The following TOP1MT variants were observed in gnomAD, a reference collection of about 807,000 sequenced individuals.
TOP1MT encodes DNA topoisomerase I mitochondrial.
In TOP1MT, 80 loss-of-function variants were observed where a neutral mutation model predicts 73.9. The ratio of observed to expected loss-of-function variants is 1.08; its 90% CI spans 0.90 to 1.30. The LOEUF (loss-of-function observed/expected upper bound fraction) is 1.30. Among genes scored for constraint, TOP1MT ranks in the 50% most tolerant of loss-of-function variants. The pLI is 0.00. For missense variants in TOP1MT, 815 were observed against 808.0 expected, an observed-to-expected ratio of 1.01 and a Z score of -0.10; for synonymous variants, 338 against 326.4, an observed-to-expected ratio of 1.04 and a Z score of -0.38.
intron 1 of TOP1MT, chr8:143,355,368 C>T (rs1417256927): frequency 6.6e-6 from 1 of 152,188 alleles, no homozygotes; most frequent in Non-Finnish European, 1.5e-5. Context: ...TGCCATCAAG[C>T]CACGGAGGTA....
chr8:143,321,051 T>C (rs1160647019), intron 8 of TOP1MT, 150 bp downstream of exon 8: 13 of 794,672 alleles, frequency 1.6e-5, no homozygotes, highest in East Asian at 2.7e-5. Flanking sequence ...CCTTCACCTT[T>C]ACCCCGATCA....
rs540913430 is a variant in TOP1MT, at chr8:143,321,464, C to CCA, written c.961-80_961-79dup. The CCA allele has an allele frequency of 3.7e-4, 371 of 997,284 alleles. 5 individuals carry two copies. The highest frequency in any genetic ancestry group is 3.7e-3 in the African/African-American group (207 of 55,808). 61.8% of individuals were successfully genotyped at this position (997,284 alleles called of 1,614,324 possible). Reference sequence around the variant, plus strand: ...CACACGCACGCCACACACACGCACGCCACACACGCACGCCACACGCACGCC... The same window carrying CCA: ...CACACGCACGCCACACACACGCACGCCACACACACGCACGCCACACGCACGCC... On this transcript the variant is annotated intron_variant, in intron 7 of 13. Coordinates refer to ENST00000329245, the MANE Select transcript of TOP1MT (RefSeq NM_052963.3).
chr8:143,336,439 A>C (rs148715068), upstream of TOP1MT, among the ~76,000 whole-genome samples: 182 of 152,310 alleles, frequency 1.2e-3, 1 homozygote, highest in East Asian at 0.029. Flanking sequence ...AAAGAAACTT[A>C]ACCTGAAAAG....
chr8:143,311,575 G>A (rs1485111044), intron 12 of TOP1MT, among the ~76,000 whole-genome samples: 8 of 152,006 alleles, frequency 5.3e-5, no homozygotes, highest in Non-Finnish European at 8.8e-5. Context: ...GTGAAACTCC[G>A]TCTCTACTAA....
intron 8 of TOP1MT, 30 bp downstream of exon 8, chr8:143,321,171 A>AGCGGGGGCAGCTGGC (rs754991487): frequency 1.9e-6 from 3 of 1,540,824 alleles, no homozygotes; most frequent in Non-Finnish European, 2.6e-6. Context: ...CGTGTCACAT[A>AGCGGGGGCAGCTGGC]GCGGGGGCAG....
intron 2 of TOP1MT, among the ~76,000 whole-genome samples, chr8:143,342,445 A>G (rs1393582296): frequency 1.4e-5 from 2 of 138,968 alleles, no homozygotes; most frequent in Non-Finnish European, 3.0e-5. Context: ...TATTATTATT[A>G]TTAGAGACAG....
At chr8:143,333,492 C>T (rs1000878904) in intron 1 of TOP1MT, among the ~76,000 whole-genome samples, 2 of 152,210 alleles carry the variant, frequency 1.3e-5, no homozygotes, top group African/African-American at 4.8e-5. Flanking sequence ...GACAGTGACC[C>T]TGACTGCCAA....
At chr8:143,331,135 G>T (rs1172687301) in intron 2 of TOP1MT, 89 bp downstream of exon 2, 14 of 1,007,778 alleles carry the variant, frequency 1.4e-5, no homozygotes, top group Non-Finnish European at 1.9e-5. Context: ...CCTGCAGGGG[G>T]GCTGAGGGAG....
At chr8:143,359,373 C>T, upstream of TOP1MT, 1 of 985,432 alleles carries the variant, frequency 1.0e-6, no homozygotes, top group Non-Finnish European at 1.2e-6. Context: ...GGAAGAAAGG[C>T]CCTGGGGCAA....
At chr8:143,340,992 G>A (rs1482475433) in intron 2 of TOP1MT, among the ~76,000 whole-genome samples, 1 of 152,048 alleles carries the variant, frequency 6.6e-6, no homozygotes, top group African/African-American at 2.4e-5. Context: ...ACCTGCTCCT[G>A]GCCACGCTTC....
At chr8:143,324,235 T>TCTCC in intron 6 of TOP1MT, 93 bp from the exon 7 acceptor site, 1 of 1,540,924 alleles carries the variant, frequency 6.5e-7, no homozygotes, top group Non-Finnish European at 8.9e-7. Flanking sequence ...ACCTCGTGCT[T>TCTCC]CTCCACTCAG....
chr8:143,311,366 T>C (rs989764363), intron 12 of TOP1MT, among the ~76,000 whole-genome samples: 57 of 152,196 alleles, frequency 3.7e-4, no homozygotes, highest in Non-Finnish European at 1.3e-4. Context: ...TTTGTTCCAA[T>C]TGACATTTCC....
intron 2 of TOP1MT, 131 bp from the exon 3 acceptor site, chr8:143,329,602 G>A: frequency 8.3e-6 from 9 of 1,089,534 alleles, no homozygotes; most frequent in Non-Finnish European, 9.0e-6. Flanking sequence ...GCCTTCTTCT[G>A]TAAGTTCAGA....
chr8:143,346,670 T>C (rs1380335466), upstream of TOP1MT, among the ~76,000 whole-genome samples: 1 of 152,176 alleles, frequency 6.6e-6, no homozygotes. Flanking sequence ...TTTCTGCTGC[T>C]GTAACAAATA....
chr8:143,311,474 G>T (rs1050260709), intron 12 of TOP1MT, among the ~76,000 whole-genome samples: 6 of 152,206 alleles, frequency 3.9e-5, no homozygotes, highest in Non-Finnish European at 8.8e-5. Flanking sequence ...CAGGCCAGGA[G>T]CAGTGGCTCA....
chr8:143,337,023 G>A (rs1350060675), upstream of TOP1MT, among the ~76,000 whole-genome samples: 1 of 152,132 alleles, frequency 6.6e-6, no homozygotes, highest in African/African-American at 2.4e-5. Flanking sequence ...AACAAAGGAA[G>A]TATCAAGCTT....
intron 12 of TOP1MT, among the ~76,000 whole-genome samples, chr8:143,313,356 G>A (rs776005770): frequency 5.3e-5 from 8 of 151,938 alleles, no homozygotes; most frequent in Non-Finnish European, 1.5e-5. Flanking sequence ...TTCAAGACCA[G>A]CCTGACCGAC....
At chr8:143,338,548 C>T (rs978878655), upstream of TOP1MT, among the ~76,000 whole-genome samples, 3 of 147,274 alleles carry the variant, frequency 2.0e-5, no homozygotes, top group Non-Finnish European at 3.0e-5. Context: ...GCCTGGGCAA[C>T]AAAATGAGAC....
In TOP1MT at chr8:143,331,270, T is replaced by C; in HGVS notation, c.192A>G (p.Ala64=). Residue 64 remains alanine, a synonymous_variant, in exon 2 of 14, where the codon GCA becomes GCG. Transcript: ENST00000329245. The part of the protein sequence containing the change: ...RQLEHKGPYF[A]PPYEPLPDGV... ...CGTCGGGAAGGGGCTCGTATGGGGG[T>C]GCGAAGTACGGGCCCTTGTGCTCCA... 6.2e-7 allele frequency: 1 copy of C among 1,611,716 alleles called. No individual in the cohort carries two copies. Among genetic ancestry groups the C allele is most frequent in the Non-Finnish European group, 8.5e-7 (1 of 1,178,376 alleles).
Sources: allele counts gnomAD v4.1 joint callset (sites outside exome capture counted in the v4.1 genomes callset), GRCh38; gene constraint gnomAD v4.1.1; transcripts MANE v1.5; gene names NCBI Gene and HGNC (gene_info 2026-07-23, HGNC 2026-07-21).